Variants in KCNIP4 observed in about 807,000 individuals in gnomAD.
KCNIP4 encodes the protein Kv channel-interacting protein 4.
A neutral mutation model predicts 34.0 loss-of-function variants in KCNIP4; 12 were observed. The ratio of observed to expected loss-of-function variants is 0.35; its 90% CI spans 0.23 to 0.57. The LOEUF (loss-of-function observed/expected upper bound fraction) is 0.57, where lower values mean the gene tolerates loss of function less well. Ranked by LOEUF, KCNIP4 falls within the 20% of genes least tolerant of loss-of-function variation. The pLI, the probability that KCNIP4 is intolerant of heterozygous loss-of-function variation, is 0.83. For synonymous variants in KCNIP4, 124 were observed against 102.2 expected (o/e 1.21, Z -1.29); for missense variants, 238 against 311.7 (o/e 0.76, Z 1.78).
In KCNIP4 at chr4:21,862,292, G is replaced by A. The variant is rs963453888; in HGVS notation, c.61+86279C>T. Among the ~76,000 whole-genome samples the A allele has an allele frequency of 4.6e-5, 7 of 152,216 alleles. 1 individual carries two copies. The highest frequency in any genetic ancestry group is 3.9e-4 in the Admixed American group (6 of 15,292). ...CAACAGAAACAGAGGGAGACCACAG[G>A]CAGGACCTCATCAATTCTTCAACAA... is the stretch of plus-strand genomic sequence containing the variant. On this transcript the variant is annotated intron_variant, in intron 1 of 8. Coordinates refer to ENST00000382152, the MANE Select transcript of KCNIP4 (RefSeq NM_025221.6).
At chr4:21,732,111 C>A (rs1261989495) in intron 1 of KCNIP4, among the ~76,000 whole-genome samples, 1 of 151,392 alleles carries the variant, frequency 6.6e-6, no homozygotes, top group East Asian at 1.9e-4. Context: ...ACACTTACTT[C>A]TTCAGTTTAT....
intron 1 of KCNIP4, among the ~76,000 whole-genome samples, chr4:21,424,078 C>G (rs977609024): frequency 2.0e-5 from 3 of 150,282 alleles, no homozygotes; most frequent in African/African-American, 4.9e-5. Context: ...CTTGGCCTCC[C>G]AAAGTGCTGG....
At position 20,960,587 on chromosome 4, in the gene KCNIP4, A is replaced by T. The variant is rs376718823; in HGVS notation, c.62-77878T>A. Among the ~76,000 whole-genome samples the T allele has an allele frequency of 3.9e-5, 6 of 152,344 alleles. No individual in the cohort carries two copies. In the South Asian group the frequency reaches 8.3e-4, roughly 21 times the overall value. The stretch of plus-strand genomic sequence containing the variant: ...ACTCACACAAGGAAGTTTGCAAGGA[A>T]TGGAAATCTGTGCAAGGCAATCCCC... On this transcript the variant is annotated intron_variant, in intron 1 of 8. Transcript: ENST00000382152.
At chr4:21,287,270 G>T (rs1428545649) in intron 1 of KCNIP4, among the ~76,000 whole-genome samples, 3 of 152,134 alleles carry the variant, frequency 2.0e-5, no homozygotes, top group Non-Finnish European at 4.4e-5. Flanking sequence ...AATAAAATAA[G>T]TATCATTTAC....
chr4:21,510,480 G>C (rs1006807147), intron 1 of KCNIP4, among the ~76,000 whole-genome samples: 1 of 152,090 alleles, frequency 6.6e-6, no homozygotes, highest in African/African-American at 2.4e-5. Flanking sequence ...AAATCAGGCA[G>C]ATTTAGACAG....
At chr4:20,917,131 T>G (rs928218501) in intron 1 of KCNIP4, among the ~76,000 whole-genome samples, 75 of 149,136 alleles carry the variant, frequency 5.0e-4, no homozygotes, top group African/African-American at 1.7e-3. Context: ...TCTGACTCCC[T>G]GGTTCAAGCT....
chr4:21,329,283 G>T (rs887796398), intron 1 of KCNIP4, among the ~76,000 whole-genome samples: 2 of 152,058 alleles, frequency 1.3e-5, no homozygotes, highest in Non-Finnish European at 2.9e-5. Flanking sequence ...CTTCCAAGAG[G>T]ATACGGAAAA....
intron 1 of KCNIP4, among the ~76,000 whole-genome samples, chr4:21,188,943 AG>A (rs1414516706): frequency 6.6e-6 from 1 of 152,218 alleles, no homozygotes; most frequent in African/African-American, 2.4e-5. Flanking sequence ...GGTTGTGGTG[AG>A]GAGACAGCTG....
chr4:21,446,686 C>T (rs981606677), intron 1 of KCNIP4, among the ~76,000 whole-genome samples: 1 of 151,540 alleles, frequency 6.6e-6, no homozygotes, highest in African/African-American at 2.4e-5. Flanking sequence ...ATGGGTGCAG[C>T]ACACCAACAT....
At chr4:21,452,520 A>G (rs1161845806) in intron 1 of KCNIP4, among the ~76,000 whole-genome samples, 1 of 152,050 alleles carries the variant, frequency 6.6e-6, no homozygotes, top group Non-Finnish European at 1.5e-5. Flanking sequence ...AATGGAGATA[A>G]TAACACCTCC....
At chr4:20,930,247 G>C (rs1408847864) in intron 1 of KCNIP4, among the ~76,000 whole-genome samples, 3 of 151,970 alleles carry the variant, frequency 2.0e-5, no homozygotes, top group Non-Finnish European at 2.9e-5. Context: ...GTACCAACAG[G>C]ACACCCTGAA....
chr4:21,927,116 CA>C (rs1282020130), intron 1 of KCNIP4, among the ~76,000 whole-genome samples: 2 of 152,048 alleles, frequency 1.3e-5, no homozygotes, highest in Admixed American at 1.3e-4. Context: ...TCTTCAAAGC[CA>C]AAAACTTTGA....
chr4:21,498,606 G>T (rs537958759), intron 1 of KCNIP4, among the ~76,000 whole-genome samples: 1 of 152,178 alleles, frequency 6.6e-6, no homozygotes, highest in African/African-American at 2.4e-5. Flanking sequence ...CAGCTCAGCT[G>T]GGGGAAAATG....
Position 21,184,039 on chromosome 4 carries a change from T to G in KCNIP4, c.62-301330A>C, listed in dbSNP as rs542469402. Among the ~76,000 whole-genome samples, 169 of 152,254 alleles carry G rather than the reference T, an allele frequency of 1.1e-3. 1 individual carries two copies. Among genetic ancestry groups the G allele is most frequent in the African/African-American group, 3.9e-3 (161 of 41,556 alleles). On this transcript the variant is annotated intron_variant, in intron 1 of 8. Coordinates refer to ENST00000382152, the MANE Select transcript of KCNIP4 (RefSeq NM_025221.6). The stretch of plus-strand genomic sequence containing the variant: ...TGTATATTGCTGCTTGTTTTCTTAT[T>G]TATTGACAGGCAGTACAAAGCAGTG...
intron 1 of KCNIP4, among the ~76,000 whole-genome samples, chr4:21,824,867 G>A (rs1026415434): frequency 7.9e-5 from 12 of 152,102 alleles, no homozygotes; most frequent in African/African-American, 1.9e-4. Context: ...ATGTGAGAGC[G>A]AGGCCATGCT....
At chr4:20,818,727 C>T (rs867096870) in intron 3 of KCNIP4, among the ~76,000 whole-genome samples, 3 of 151,930 alleles carry the variant, frequency 2.0e-5, no homozygotes, top group African/African-American at 2.4e-5. Flanking sequence ...GAAATTAAAC[C>T]TAATGTACTA....
At position 21,304,203 on chromosome 4, in the gene KCNIP4, T is replaced by C. The variant is rs760699328; in HGVS notation, c.62-421494A>G. ...AGGGCGTGAGTGACAGAAAATGCAT[T>C]CATCCTGTCTGCTGTAGCAGAGGCC... On this transcript the variant is annotated intron_variant, in intron 1 of 8. Transcript: ENST00000382152. Among the ~76,000 whole-genome samples the C allele has an allele frequency of 7.2e-5, 11 of 151,842 alleles. 1 individual carries two copies. The highest frequency in any genetic ancestry group is 2.9e-5 in the Non-Finnish European group (2 of 67,970).
At chr4:21,541,637 A>T (rs1737700603) in intron 1 of KCNIP4, among the ~76,000 whole-genome samples, 1 of 152,062 alleles carries the variant, frequency 6.6e-6, no homozygotes, top group East Asian at 1.9e-4. Flanking sequence ...TAAGCTTTCT[A>T]TTTATTTCTT....
intron 1 of KCNIP4, among the ~76,000 whole-genome samples, chr4:21,094,205 CAG>C (rs1302662348): frequency 6.6e-6 from 1 of 152,040 alleles, no homozygotes; most frequent in Non-Finnish European, 1.5e-5. Flanking sequence ...TAGTTCAAAA[CAG>C]AACTAAATAT....
Sources: allele counts gnomAD v4.1 joint callset (sites outside exome capture counted in the v4.1 genomes callset), GRCh38; gene constraint gnomAD v4.1.1; transcripts MANE v1.5; gene names NCBI Gene and HGNC (gene_info 2026-07-23, HGNC 2026-07-21).